The following TBL1X variants were observed in gnomAD, a reference collection of about 807,000 sequenced individuals.
TBL1X encodes transducin beta like 1 X-linked.
In TBL1X, 10 loss-of-function variants were observed where a neutral mutation model predicts 50.7. That is an observed-to-expected ratio of 0.20 (90% CI 0.12 to 0.33). The LOEUF (loss-of-function observed/expected upper bound fraction) is 0.33. TBL1X is among the 10% of genes least tolerant of loss of function. TBL1X has a pLI of 1.00. For synonymous variants in TBL1X, 190 were observed against 214.7 expected (o/e 0.88, Z 1.01); for missense variants, 340 against 504.4 (o/e 0.67, Z 3.12).
intron 1 of TBL1X, among the ~76,000 whole-genome samples, chrX:9,493,051 T>G (rs781157130): frequency 6.6e-4 from 73 of 111,099 alleles, no homozygotes; most frequent in Non-Finnish European, 1.1e-3. Context: ...GATAGAGAGA[T>G]ATTCCGCTGG....
chrX:9,595,018 C>T (rs2082520630), intron 2 of TBL1X, among the ~76,000 whole-genome samples: 1 of 111,980 alleles, frequency 8.9e-6, no homozygotes, highest in African/African-American at 3.2e-5. Flanking sequence ...CCCGCTGGGT[C>T]AACTACCAGT....
chrX:9,548,099 A>G (rs1210049198), intron 2 of TBL1X, among the ~76,000 whole-genome samples: 1 of 109,170 alleles, frequency 9.2e-6, no homozygotes, highest in East Asian at 2.9e-4. Context: ...GTTAGGATGT[A>G]TCTCACTGTG....
intron 2 of TBL1X, among the ~76,000 whole-genome samples, chrX:9,564,239 G>A (rs1415622045): frequency 9.0e-6 from 1 of 111,609 alleles, no homozygotes; most frequent in African/African-American, 3.3e-5. Flanking sequence ...GGCCAACACG[G>A]TGAAACCTCG....
chrX:9,586,946 G>A (rs942693630), intron 2 of TBL1X, among the ~76,000 whole-genome samples: 4 of 112,099 alleles, frequency 3.6e-5, no homozygotes, highest in African/African-American at 1.3e-4. Flanking sequence ...ACTTTTTTGT[G>A]TGCAGGAACG....
chrX:9,628,549 C>CTT (rs2146575953), intron 2 of TBL1X, among the ~76,000 whole-genome samples: 1 of 75,087 alleles, frequency 1.3e-5, no homozygotes, highest in Non-Finnish European at 3.1e-5. Context: ...TTTTCTTTTT[C>CTT]TTTTCTTTTT....
intron 2 of TBL1X, among the ~76,000 whole-genome samples, chrX:9,504,029 T>A (rs754929232): frequency 8.9e-6 from 1 of 111,809 alleles, no homozygotes; most frequent in East Asian, 2.8e-4. Flanking sequence ...GCAGGAGTGA[T>A]CCTACTGGCA....
chrX:9,491,339 T>TATATATATATATATATATATATA (rs1491249258), intron 1 of TBL1X, among the ~76,000 whole-genome samples: 1 of 19,223 alleles, frequency 5.2e-5, no homozygotes, highest in Non-Finnish European at 8.7e-5. Context: ...TATATATATA[T>TATATATATATATATATATATATA]TTTTTTTTTT....
chrX:9,617,850 T>A (rs2074034), intron 2 of TBL1X, among the ~76,000 whole-genome samples: 52,693 of 110,650 alleles, frequency 0.48, 9,896 homozygotes, highest in East Asian at 0.7. Flanking sequence ...GAGGGAACAG[T>A]CACATTCTCA....
intron 1 of TBL1X, among the ~76,000 whole-genome samples, chrX:9,477,388 G>A (rs1236388464): frequency 3.2e-4 from 36 of 111,951 alleles, no homozygotes; most frequent in African/African-American, 3.2e-5. Context: ...ATGGGTTTCT[G>A]GTGGCCCAGA....
intron 2 of TBL1X, among the ~76,000 whole-genome samples, chrX:9,612,034 C>T (rs1169057461): frequency 8.9e-6 from 1 of 112,795 alleles, no homozygotes; most frequent in Non-Finnish European, 1.9e-5. Context: ...TTCTGAAGCC[C>T]GCAAACATTC....
At chrX:9,531,042 A>C (rs1360673624) in intron 2 of TBL1X, 2 of 111,703 alleles carry the variant, frequency 1.8e-5, no homozygotes, top group African/African-American at 6.5e-5. Flanking sequence ...GCATTGCATT[A>C]AGAGAATGCA....
chrX:9,580,289 C>A (rs191568392), intron 2 of TBL1X, among the ~76,000 whole-genome samples: 496 of 112,370 alleles, frequency 4.4e-3, no homozygotes, highest in African/African-American at 0.015. Flanking sequence ...GTGGTCCAAG[C>A]ACAGCTTGGT....
At chrX:9,532,433 G>T (rs767328968) in intron 2 of TBL1X, among the ~76,000 whole-genome samples, 37 of 111,660 alleles carry the variant, frequency 3.3e-4, no homozygotes, top group African/African-American at 1.1e-3. Flanking sequence ...GGGACGTAGC[G>T]GTTAGGGGGC....
intron 2 of TBL1X, among the ~76,000 whole-genome samples, chrX:9,506,539 T>G (rs1393088173): frequency 9.0e-6 from 1 of 111,338 alleles, no homozygotes; most frequent in Non-Finnish European, 1.9e-5. Flanking sequence ...ATTAACAAAA[T>G]AGATAGACTG....
At chrX:9,530,168 G>A (rs1482090528) in intron 2 of TBL1X, among the ~76,000 whole-genome samples, 3 of 111,899 alleles carry the variant, frequency 2.7e-5, no homozygotes, top group Non-Finnish European at 3.8e-5. Context: ...CTTCCAAAAC[G>A]AACGTGCATT....
At chrX:9,699,492 G>T (rs1052133101) in intron 12 of TBL1X, among the ~76,000 whole-genome samples, 2 of 111,753 alleles carry the variant, frequency 1.8e-5, no homozygotes, top group Non-Finnish European at 3.8e-5. Context: ...TGTCCCTGGG[G>T]CATTGTCCAG....
At position 9,486,035 on chromosome X, in the gene TBL1X, G is replaced by A. The variant is rs893135635; in HGVS notation, c.-200-15745G>A. Among the ~76,000 whole-genome samples the A allele has an allele frequency of 5.4e-5, 6 of 110,726 alleles. 1 individual carries two copies. The highest frequency in any genetic ancestry group is 1.6e-4 in the African/African-American group (5 of 30,425). On this transcript the variant is annotated intron_variant, in intron 1 of 17. Transcript: ENST00000645353. ...CTGGTTCAGGGCATGACAGGAAGGG[G>A]GTTTGAACATGCTTCATTATGCCCT...
Position 9,693,311 on chromosome X carries a change from T to A in TBL1X, c.956-11T>A. The A allele has an allele frequency of 8.3e-7, 1 of 1,210,990 alleles. No individual in the cohort carries two copies. Among genetic ancestry groups the A allele is most frequent in the Non-Finnish European group, 1.1e-6 (1 of 894,853 alleles). The stretch of plus-strand genomic sequence containing the variant: ...TGACATTGAGGTCAACATGTTTGTT[T>A]TTACTAACAGGTAACCTGGCCAGCA... On this transcript the variant is annotated splice_polypyrimidine_tract_variant and intron_variant, in intron 10 of 17. Transcript: ENST00000645353.
chrX:9,618,156 G>A (rs1246542124), intron 2 of TBL1X, among the ~76,000 whole-genome samples: 1 of 111,697 alleles, frequency 9.0e-6, no homozygotes, highest in Non-Finnish European at 1.9e-5. Context: ...TGCATTGGGA[G>A]GCGGCGTCTG....
Sources: gnomAD v4.1 joint callset for allele counts (sites outside exome capture counted in the v4.1 genomes callset) on GRCh38, gnomAD v4.1.1 for gene constraint, MANE v1.5 for transcripts, NCBI Gene and HGNC (gene_info 2026-07-23, HGNC 2026-07-21) for gene names.